The following HDAC9 variants were observed in gnomAD, a reference collection of about 807,000 sequenced individuals.
HDAC9 encodes the protein histone deacetylase 9.
A neutral mutation model predicts 139.4 loss-of-function variants in HDAC9; 41 were observed. The observed-to-expected ratio is 0.29, with a 90% CI of 0.23 to 0.38. HDAC9 has a LOEUF of 0.38. Among genes scored for constraint, HDAC9 ranks in the 10% least tolerant of loss-of-function variants. The pLI is 1.00. For synonymous variants in HDAC9, 517 were observed against 476.2 expected (o/e 1.09, Z -1.12); for missense variants, 1,147 against 1,297.0 (o/e 0.88, Z 1.78).
intron 12 of HDAC9, among the ~76,000 whole-genome samples, chr7:18,721,643 GGTCAGGA>G (rs567831516): frequency 1.6e-3 from 243 of 152,124 alleles, no homozygotes; most frequent in Non-Finnish European, 3.0e-3. Context: ...ACCACCCACA[GGTCAGGA>G]AGCAAATGTG....
chr7:18,968,008 C>A (rs886816168), intron 24 of HDAC9, among the ~76,000 whole-genome samples: 2 of 151,596 alleles, frequency 1.3e-5, no homozygotes, highest in Non-Finnish European at 2.9e-5. Flanking sequence ...ACTAAAAATA[C>A]AAAATTAGCC....
At position 18,120,470 on chromosome 7, in the gene HDAC9, T is replaced by C. The variant is rs77202324; in HGVS notation, c.-97+33257T>C. ...TTCCATTCCAGTCTGTAAAGCCAAT[T>C]GAGGGATGGTCCCCAAACACAAACC... On this transcript the variant is annotated intron_variant, in intron 1 of 12. Coordinates refer to the HDAC9 transcript ENST00000417496. 2.9e-3 allele frequency among the ~76,000 whole-genome samples: 444 copies of C among 152,270 alleles called. 20 individuals are homozygous for C. In the East Asian group the frequency reaches 0.076, roughly 26 times the overall value.
chr7:18,605,926 C>T (rs1835363288), intron 6 of HDAC9, among the ~76,000 whole-genome samples: 8 of 152,022 alleles, frequency 5.3e-5, no homozygotes, highest in Admixed American at 5.2e-4. Flanking sequence ...GTGATCTGCC[C>T]ACCTCGGCCT....
intron 2 of HDAC9, among the ~76,000 whole-genome samples, chr7:18,276,109 C>A (rs1168337487): frequency 6.6e-6 from 1 of 152,084 alleles, no homozygotes. Context: ...GAGAAAGATG[C>A]CATGGTTCAG....
At chr7:18,393,804 T>C (rs1272417034) in intron 1 of HDAC9, among the ~76,000 whole-genome samples, 1 of 152,182 alleles carries the variant, frequency 6.6e-6, no homozygotes, top group Non-Finnish European at 1.5e-5. Context: ...TGGCCTTCCT[T>C]TTCTTGGTTA....
In HDAC9 at chr7:18,496,579, A is replaced by G. The variant is rs139929500; in HGVS notation, c.22+255A>G. On this transcript the variant is annotated intron_variant, in intron 2 of 25. Transcript: ENST00000686413. ...TTCTGATGAAAGATGAGACTGAGAT[A>G]AGTAAAATGTAGTTGGGGGTGTTTT... is the stretch of plus-strand genomic sequence containing the variant. 5.6e-5 allele frequency: 27 copies of G among 484,946 alleles called. No individual in the cohort carries two copies. In the East Asian group the frequency reaches 8.2e-4, roughly 15 times the overall value. 30.0% of individuals were successfully genotyped at this position (484,946 alleles called of 1,614,324 possible).
chr7:18,475,388 G>C (rs1174419135), intron 1 of HDAC9, among the ~76,000 whole-genome samples: 1 of 152,208 alleles, frequency 6.6e-6, no homozygotes, highest in Non-Finnish European at 1.5e-5. Context: ...AGGGTGCCAA[G>C]CTTCTTAGAA....
At chr7:18,582,269 C>G (rs959923146) in intron 2 of HDAC9, among the ~76,000 whole-genome samples, 16 of 152,096 alleles carry the variant, frequency 1.1e-4, no homozygotes, top group African/African-American at 3.4e-4. Context: ...TGGAAAAATA[C>G]AGAAAAGTAA....
chr7:18,720,795 C>A (rs1370295749), intron 12 of HDAC9, among the ~76,000 whole-genome samples: 1 of 151,934 alleles, frequency 6.6e-6, no homozygotes, highest in African/African-American at 2.4e-5. Flanking sequence ...GATCCTCCCA[C>A]CTCAGCCTCC....
intron 12 of HDAC9, among the ~76,000 whole-genome samples, chr7:18,690,788 T>A (rs1337853157): frequency 6.6e-6 from 1 of 152,050 alleles, no homozygotes; most frequent in Non-Finnish European, 1.5e-5. Context: ...GGCATGCAAC[T>A]AGCACATTTT....
At chr7:18,302,691 G>A (rs2128614707) in intron 1 of HDAC9, among the ~76,000 whole-genome samples, 1 of 152,242 alleles carries the variant, frequency 6.6e-6, no homozygotes, top group Non-Finnish European at 1.5e-5. Flanking sequence ...TAGTCTGTAA[G>A]GCAGTAGGAA....
chr7:18,551,029 A>G (rs992119109), intron 2 of HDAC9, among the ~76,000 whole-genome samples: 13 of 152,206 alleles, frequency 8.5e-5, no homozygotes, highest in African/African-American at 3.1e-4. Flanking sequence ...AACAACAACC[A>G]CATACATCAA....
rs577074140 is a variant in HDAC9 at position 18,394,868 on chromosome 7, A to G, written c.-41-101394A>G. Among the ~76,000 whole-genome samples, 16 of 152,252 alleles carry G rather than the reference A, an allele frequency of 1.1e-4. No individual in the cohort carries two copies. In the South Asian group the frequency reaches 2.9e-3, roughly 28 times the overall value. On this transcript the variant is annotated intron_variant, in intron 1 of 3. Transcript: ENST00000413509. Reference sequence around the variant, plus strand: ...ACTATGCAGGCCAATCAGCAACACAATTACCTATGTATTTATTAAATAGTT... The same window carrying G: ...ACTATGCAGGCCAATCAGCAACACAGTTACCTATGTATTTATTAAATAGTT...
At chr7:18,215,852 T>A (rs1406524919) in intron 2 of HDAC9, among the ~76,000 whole-genome samples, 2 of 152,158 alleles carry the variant, frequency 1.3e-5, no homozygotes, top group Non-Finnish European at 2.9e-5. Context: ...TTCCAAGCTG[T>A]TTTTGTCAAT....
chr7:18,688,832 A>C (rs1176891347), intron 12 of HDAC9, among the ~76,000 whole-genome samples: 1 of 151,944 alleles, frequency 6.6e-6, no homozygotes, highest in Middle Eastern at 3.2e-3. Flanking sequence ...GTTACAGAGA[A>C]AGGTTAAGAC....
chr7:18,809,896 A>T (rs1794038672), intron 17 of HDAC9, among the ~76,000 whole-genome samples: 1 of 151,998 alleles, frequency 6.6e-6, no homozygotes, highest in Non-Finnish European at 1.5e-5. Flanking sequence ...TGAAATCAGG[A>T]TCTTCAAGTG....
intron 2 of HDAC9, among the ~76,000 whole-genome samples, chr7:18,173,183 T>C (rs6952035): frequency 0.024 from 3,580 of 152,338 alleles, 144 homozygotes; most frequent in African/African-American, 0.08. Context: ...TCTTGTTGAA[T>C]TGATCCCTTT....
chr7:18,093,380 A>G (rs771845322), intron 1 of HDAC9, among the ~76,000 whole-genome samples: 5 of 152,180 alleles, frequency 3.3e-5, no homozygotes, highest in Admixed American at 1.3e-4. Context: ...CCTGTTACTC[A>G]CATTGAAGTG....
intron 22 of HDAC9, among the ~76,000 whole-genome samples, chr7:18,893,564 G>A (rs892493798): frequency 5.9e-5 from 9 of 152,088 alleles, no homozygotes; most frequent in African/African-American, 1.7e-4. Flanking sequence ...ATGAAACTAT[G>A]TATTTCAACT....
Sources: allele counts gnomAD v4.1 joint callset (sites outside exome capture counted in the v4.1 genomes callset), GRCh38; gene constraint gnomAD v4.1.1; transcripts MANE v1.5; gene names NCBI Gene and HGNC (gene_info 2026-07-23, HGNC 2026-07-21).